CCDC14: variants seen among roughly 807,000 people sequenced by gnomAD.
CCDC14 encodes coiled-coil domain-containing protein 14.
A neutral mutation model predicts 81.4 loss-of-function variants in CCDC14; 71 were observed. That is an observed-to-expected ratio of 0.87 (90% CI 0.72 to 1.06). The LOEUF (loss-of-function observed/expected upper bound fraction) is 1.06. Ranked by LOEUF, CCDC14 falls within the 50% of genes least tolerant of loss-of-function variation. The pLI, the probability that CCDC14 is intolerant of heterozygous loss-of-function variation, is 0.00. For missense variants in CCDC14, 1,046 were observed against 1,047.3 expected, an observed-to-expected ratio of 1.00 and a Z score of 0.02; for synonymous variants, 332 against 364.8, an observed-to-expected ratio of 0.91 and a Z score of 1.03.
At chr3:123,960,106 T>G (rs2148976513) in intron 1 of CCDC14, among the ~76,000 whole-genome samples, 1 of 152,342 alleles carries the variant, frequency 6.6e-6, no homozygotes, top group South Asian at 2.1e-4. Context: ...AGTGTCCTAA[T>G]CACAATACAG....
At chr3:123,953,744 T>C (rs2037168389) in intron 5 of CCDC14, 1 of 152,194 alleles carries the variant, frequency 6.6e-6, no homozygotes, top group Admixed American at 6.5e-5. Context: ...GCCTTCGTCA[T>C]TTCAATGAAG....
At chr3:123,886,964 C>T in the CCDC14 span, among the ~76,000 whole-genome samples, 1 of 152,008 alleles carries the variant, frequency 6.6e-6, no homozygotes, top group African/African-American at 2.4e-5. Context: ...AATTCTGGTT[C>T]TCAAGGACAA....
chr3:123,899,720 C>G (rs1469161121), intron 5 of CCDC14, among the ~76,000 whole-genome samples: 1 of 152,198 alleles, frequency 6.6e-6, no homozygotes, highest in East Asian at 1.9e-4. Flanking sequence ...CTAATCCACA[C>G]TAATAGAATG....
intron 5 of CCDC14, among the ~76,000 whole-genome samples, chr3:123,905,967 G>A (rs901593147): frequency 6.6e-6 from 1 of 152,186 alleles, no homozygotes; most frequent in African/African-American, 2.4e-5. Flanking sequence ...TATAACAGTT[G>A]AAATTAAGAA....
At chr3:123,889,339 G>A in the CCDC14 span, among the ~76,000 whole-genome samples, 3 of 152,164 alleles carry the variant, frequency 2.0e-5, no homozygotes, top group Non-Finnish European at 2.9e-5. Context: ...TTGCACTGAG[G>A]AGGTAGAGGC....
intron 5 of CCDC14, among the ~76,000 whole-genome samples, chr3:123,903,571 T>G (rs1000973163): frequency 3.3e-5 from 5 of 152,160 alleles, no homozygotes; most frequent in Non-Finnish European, 7.4e-5. Flanking sequence ...TGTGTGACAG[T>G]GTTCATAGAA....
chr3:123,928,552 C>T (rs978953787), intron 12 of CCDC14, among the ~76,000 whole-genome samples: 1 of 151,972 alleles, frequency 6.6e-6, no homozygotes, highest in Non-Finnish European at 1.5e-5. Context: ...CTACATATGT[C>T]AGTAAAGCAC....
intron 1 of CCDC14, 39 bp downstream of exon 1, chr3:123,961,105 C>G: frequency 3.3e-6 from 5 of 1,516,692 alleles, no homozygotes; most frequent in Non-Finnish European, 4.5e-6. Flanking sequence ...CTGTCCCTCT[C>G]CATCCCCACA....
At chr3:123,938,742 T>A (rs1366091846) in intron 9 of CCDC14, among the ~76,000 whole-genome samples, 1 of 151,954 alleles carries the variant, frequency 6.6e-6, no homozygotes, top group Non-Finnish European at 1.5e-5. Flanking sequence ...AATGGGATAA[T>A]ATTACAAAAA....
At chr3:123,946,030 TCTGA>T (rs1011774591) in intron 8 of CCDC14, among the ~76,000 whole-genome samples, 1 of 152,140 alleles carries the variant, frequency 6.6e-6, no homozygotes, top group African/African-American at 2.4e-5. Context: ...TGATTATGTA[TCTGA>T]CTGTGAAAAT....
At chr3:123,886,377 C>T in the CCDC14 span, among the ~76,000 whole-genome samples, 29 of 44,444 alleles carry the variant, frequency 6.5e-4, no homozygotes, top group East Asian at 6.3e-3. Flanking sequence ...TCTTTCTTTC[C>T]TTCTTTCCTT....
downstream of CCDC14, among the ~76,000 whole-genome samples, chr3:123,912,773 T>A (rs1291895683): frequency 6.6e-6 from 1 of 151,948 alleles, no homozygotes; most frequent in African/African-American, 2.4e-5. Context: ...AATACTCCAA[T>A]GACTTAATGT....
At chr3:123,889,696 A>G in the CCDC14 span, among the ~76,000 whole-genome samples, 1 of 152,262 alleles carries the variant, frequency 6.6e-6, no homozygotes, top group African/African-American at 2.4e-5. Context: ...TGGATCTACC[A>G]TTCTGGGGTC....
At chr3:123,959,013 T>C (rs1372947250) in intron 1 of CCDC14, 1 of 152,334 alleles carries the variant, frequency 6.6e-6, no homozygotes, top group Non-Finnish European at 1.5e-5. Flanking sequence ...CCATTGTATG[T>C]ATATACCATA....
At position 123,915,421 on chromosome 3, in the gene CCDC14, G is replaced by A. The variant is rs1315225577; in HGVS notation, c.2076C>T (p.Gly692=). The change falls in exon 13 of 13, where the codon GGC becomes GGT. Residue 692 remains glycine, a synonymous_variant. Transcript: ENST00000409697. ...TTCCAGGTGCAGATGCTTCCTCCAT[G>A]CCCCTAGTGTTACTATTTTGAGGGC... is the stretch of plus-strand genomic sequence containing the variant. The part of the protein sequence containing the change: ...SRGPQNSNTR[G]MEEASAPGII... 1.2e-6 allele frequency: 2 copies of A among 1,613,742 alleles called. No individual in the cohort carries two copies. The highest frequency in any genetic ancestry group is 1.7e-5 in the Admixed American group (1 of 59,988).
Position 123,914,965 on chromosome 3 carries a change from T to G in CCDC14, c.2532A>C (p.Gln844His). 1 of 1,614,046 alleles carries G rather than the reference T, an allele frequency of 6.2e-7. No homozygotes were observed. Among genetic ancestry groups the G allele is most frequent in the Non-Finnish European group, 8.5e-7 (1 of 1,179,890 alleles). Reference sequence around the variant, plus strand: ...CATCACAGACAGTATTGCCTTTCACTTGAAGGCTGTTGCTAAGACAACCTG... The same window carrying G: ...CATCACAGACAGTATTGCCTTTCACGTGAAGGCTGTTGCTAAGACAACCTG... ...GPSGCLSNSL[Q>H]VKGNTVCDGS... The change falls in exon 13 of 13, where the codon CAA becomes CAC. Residue 844 changes from glutamine to histidine, a missense_variant. Physicochemically the swap from Gln to His is conservative, Grantham distance 24 (BLOSUM62 0). Coordinates refer to ENST00000409697, the MANE Select transcript of CCDC14 (RefSeq NM_001366335.1).
intron 9 of CCDC14, among the ~76,000 whole-genome samples, chr3:123,942,767 G>C (rs1050506404): frequency 6.6e-6 from 1 of 152,142 alleles, no homozygotes; most frequent in Middle Eastern, 3.4e-3. Flanking sequence ...ACACTGAAGT[G>C]TTGGCCTTGA....
At position 123,914,421 on chromosome 3, in the gene CCDC14, A is replaced by C; in HGVS notation, c.*358T>G. On this transcript the variant is annotated 3_prime_UTR_variant, in exon 13 of 13. Transcript: ENST00000409697. ...AGTTTCAACAGAAAAACTTACATCC[A>C]GAGATTCTTTTCCCATTATTTCTTA... 1 of 990,228 alleles carries C rather than the reference A, an allele frequency of 1.0e-6. No homozygotes were observed. Among genetic ancestry groups the C allele is most frequent in the Non-Finnish European group, 1.2e-6 (1 of 833,374 alleles). 61.3% of individuals were successfully genotyped at this position (990,228 alleles called of 1,614,324 possible). A position where few individuals can be genotyped will look rare whatever the true frequency, so the allele number is the denominator to read the frequency against.
rs1200708456 is a variant in CCDC14, at chr3:123,914,891, A to G, written c.2606T>C (p.Phe869Ser). ...TTCATCACGAGAAGTGAACGTTGAAAACGAAGAGATGCTCCAGTCAGACAT... is the reference window on the plus strand; with the variant it reads ...TTCATCACGAGAAGTGAACGTTGAAGACGAAGAGATGCTCCAGTCAGACAT... ...DLMSDWSISS[F>S]STFTSRDEQD... Residue 869 changes from phenylalanine to serine, a missense_variant, in exon 13 of 13, where the codon TTT becomes TCT. Physicochemically the swap from Phe to Ser is radical, Grantham distance 155 (BLOSUM62 -2). Transcript: ENST00000409697. 1 of 1,613,728 alleles carries G rather than the reference A, an allele frequency of 6.2e-7. No individual in the cohort carries two copies. The highest frequency in any genetic ancestry group is 1.3e-5 in the African/African-American group (1 of 74,942).
Sources: gnomAD v4.1 joint callset for allele counts (sites outside exome capture counted in the v4.1 genomes callset) on GRCh38, gnomAD v4.1.1 for gene constraint, MANE v1.5 for transcripts, NCBI Gene and HGNC (gene_info 2026-07-23, HGNC 2026-07-21) for gene names.